Variants in CDC42BPA observed in about 807,000 individuals in gnomAD.
CDC42BPA encodes the protein CDC42 binding protein kinase alpha.
Under a neutral mutation model 223.5 loss-of-function variants are expected in CDC42BPA, and 80 were observed. The ratio of observed to expected loss-of-function variants is 0.36; its 90% CI spans 0.30 to 0.43. The LOEUF (loss-of-function observed/expected upper bound fraction) is 0.43. Among genes scored for constraint, CDC42BPA ranks in the 20% least tolerant of loss-of-function variants. CDC42BPA has a pLI of 1.00. For missense variants in CDC42BPA, 1,743 were observed against 2,099.9 expected (o/e 0.83, Z 3.32); for synonymous variants, 694 against 718.6 (o/e 0.97, Z 0.55).
intron 1 of CDC42BPA, among the ~76,000 whole-genome samples, chr1:227,268,112 T>C (rs1440470817): frequency 6.6e-6 from 1 of 152,186 alleles, no homozygotes; most frequent in Non-Finnish European, 1.5e-5. Context: ...GAAAGCCTAA[T>C]GTGGTATCTG....
chr1:227,312,774 A>G (rs7556319), intron 1 of CDC42BPA, among the ~76,000 whole-genome samples: 23,945 of 150,280 alleles, frequency 0.16, 2,173 homozygotes, highest in East Asian at 0.37. Flanking sequence ...TGACTGGATC[A>G]TGGGGGCAGA....
chr1:227,216,495 G>A (rs1415591652), intron 2 of CDC42BPA, among the ~76,000 whole-genome samples: 1 of 152,172 alleles, frequency 6.6e-6, no homozygotes, highest in Non-Finnish European at 1.5e-5. Context: ...TGAAATAAAA[G>A]TCAGTTCAGG....
intron 35 of CDC42BPA, among the ~76,000 whole-genome samples, chr1:227,003,855 G>A (rs1052479103): frequency 6.6e-6 from 1 of 152,120 alleles, no homozygotes; most frequent in Non-Finnish European, 1.5e-5. Flanking sequence ...AAAACGGAGA[G>A]AGAGACTAAT....
Position 227,308,997 on chromosome 1 carries a change from G to A in CDC42BPA, c.178+8008C>T, listed in dbSNP as rs114544344. ...TCATCCATATAAGTAGTACTTTGCA[G>A]TATAATTAGATCAGGAGTGGGAAGA... On this transcript the variant is annotated intron_variant, in intron 1 of 36. Coordinates refer to ENST00000366766, the MANE Select transcript of CDC42BPA (RefSeq NM_001394014.1). 6.0e-3 allele frequency among the ~76,000 whole-genome samples: 916 copies of A among 152,120 alleles called. 10 individuals are homozygous for A. The highest frequency in any genetic ancestry group is 0.021 in the African/African-American group (861 of 41,508).
chr1:227,138,180 T>C (rs935835091), intron 10 of CDC42BPA, among the ~76,000 whole-genome samples: 9 of 152,188 alleles, frequency 5.9e-5, no homozygotes, highest in African/African-American at 2.2e-4. Context: ...CAGTAAAGTT[T>C]TGTGATTGTA....
intron 1 of CDC42BPA, among the ~76,000 whole-genome samples, chr1:227,290,703 CTATT>C (rs1037296027): frequency 1.1e-4 from 16 of 152,114 alleles, no homozygotes; most frequent in Non-Finnish European, 2.1e-4. Flanking sequence ...ATTTTAATGA[CTATT>C]TATAATTTTA....
chr1:227,110,151 C>A (rs1033227750), intron 14 of CDC42BPA, among the ~76,000 whole-genome samples: 1 of 152,010 alleles, frequency 6.6e-6, no homozygotes, highest in African/African-American at 2.4e-5. Context: ...CCTTATTGAT[C>A]TTGTGTGCAT....
intron 2 of CDC42BPA, among the ~76,000 whole-genome samples, chr1:227,236,417 T>C (rs570989325): frequency 3.4e-4 from 52 of 152,160 alleles, no homozygotes; most frequent in Non-Finnish European, 7.1e-4. Flanking sequence ...ATTTATGATA[T>C]AGGAATATTA....
intron 6 of CDC42BPA, among the ~76,000 whole-genome samples, chr1:227,152,894 TAAAG>T (rs1662042721): frequency 6.6e-6 from 1 of 151,980 alleles, no homozygotes; most frequent in African/African-American, 2.4e-5. Flanking sequence ...AGGCATATGA[TAAAG>T]AAAAGAAACT....
At chr1:227,291,421 C>T (rs1004393920) in intron 1 of CDC42BPA, among the ~76,000 whole-genome samples, 3 of 151,974 alleles carry the variant, frequency 2.0e-5, no homozygotes, top group Non-Finnish European at 4.4e-5. Flanking sequence ...TGGTGGCACG[C>T]GCCTGTCATC....
intron 3 of CDC42BPA, among the ~76,000 whole-genome samples, chr1:227,212,573 C>G (rs1674118270): frequency 6.6e-6 from 1 of 152,058 alleles, no homozygotes; most frequent in African/African-American, 2.4e-5. Context: ...GCAGTTCTGA[C>G]CAGGCCATAC....
rs1164288200 is a variant in CDC42BPA, at chr1:227,059,348, T to G, written c.2905-7363A>C. 5 of 1,554,962 alleles carry G rather than the reference T, an allele frequency of 3.2e-6. No homozygotes were observed. The African/African-American group carries it at 4.1e-5, about 13-fold the overall frequency. Reference sequence around the variant, plus strand: ...GAGGGGTAAAAGGCCTCAGGATGGGTACATAAAGTGCAAAAGTCTCTTACA... The same window carrying G: ...GAGGGGTAAAAGGCCTCAGGATGGGGACATAAAGTGCAAAAGTCTCTTACA... On this transcript the variant is annotated intron_variant, in intron 21 of 36. Transcript: ENST00000366766.
intron 5 of CDC42BPA, among the ~76,000 whole-genome samples, chr1:227,179,569 G>C (rs942271850): frequency 7.6e-6 from 1 of 131,428 alleles, no homozygotes; most frequent in African/African-American, 2.9e-5. Context: ...CCGGGAGGTG[G>C]AGCTTGCAGT....
chr1:227,259,133 G>A (rs911879762), intron 1 of CDC42BPA, among the ~76,000 whole-genome samples: 2 of 150,954 alleles, frequency 1.3e-5, no homozygotes, highest in Admixed American at 6.6e-5. Context: ...CTGCCACGCC[G>A]CCTCCCTCCC....
At chr1:227,043,196 C>T (rs1211516065) in intron 23 of CDC42BPA, among the ~76,000 whole-genome samples, 3 of 152,056 alleles carry the variant, frequency 2.0e-5, no homozygotes, top group South Asian at 2.1e-4. Context: ...GGGCGGATCA[C>T]GAGGTCCAGA....
intron 12 of CDC42BPA, among the ~76,000 whole-genome samples, chr1:227,113,522 ACAAT>A (rs1433172830): frequency 5.3e-5 from 8 of 152,356 alleles, no homozygotes; most frequent in Non-Finnish European, 8.8e-5. Context: ...ACAAAGCACC[ACAAT>A]CAAACAACAA....
chr1:227,111,654 T>G (rs1558521158), intron 14 of CDC42BPA, among the ~76,000 whole-genome samples: 1 of 152,060 alleles, frequency 6.6e-6, no homozygotes, highest in African/African-American at 2.4e-5. Context: ...TGGCTAATTT[T>G]GTATTTTTAG....
chr1:227,113,855 A>G (rs1162604526), intron 12 of CDC42BPA, among the ~76,000 whole-genome samples: 1 of 149,068 alleles, frequency 6.7e-6, no homozygotes, highest in South Asian at 2.1e-4. Flanking sequence ...TCTACAAAAA[A>G]TAACAATGTA....
intron 1 of CDC42BPA, among the ~76,000 whole-genome samples, chr1:227,272,370 A>G (rs1686099806): frequency 6.6e-6 from 1 of 152,192 alleles, no homozygotes; most frequent in Non-Finnish European, 1.5e-5. Flanking sequence ...GCCAAAAGAA[A>G]AACCCTAAAG....
Sources: gnomAD v4.1 joint callset for allele counts (sites outside exome capture counted in the v4.1 genomes callset) on GRCh38, gnomAD v4.1.1 for gene constraint, MANE v1.5 for transcripts, NCBI Gene and HGNC (gene_info 2026-07-23, HGNC 2026-07-21) for gene names.